The following TRPM1 variants were observed in gnomAD, a reference collection of about 807,000 sequenced individuals.
TRPM1 encodes the protein transient receptor potential cation channel subfamily M member 1.
In TRPM1, 113 loss-of-function variants were observed where a neutral mutation model predicts 149.4. The observed-to-expected ratio is 0.76, with a 90% confidence interval of 0.65 to 0.88. The LOEUF is 0.88. Ranked by LOEUF, TRPM1 falls within the 40% of genes least tolerant of loss-of-function variation. The probability of loss-of-function intolerance (pLI) is 0.00; values close to 1 mark genes in which losing one functional copy is unlikely to be tolerated. For missense variants in TRPM1, 1,976 were observed against 2,038.7 expected, an observed-to-expected ratio of 0.97 and a Z score of 0.59; for synonymous variants, 741 against 759.5, an observed-to-expected ratio of 0.98 and a Z score of 0.40.
chr15:31,120,673 TA>T (rs1365797356), intron 1 of TRPM1, among the ~76,000 whole-genome samples: 2 of 145,194 alleles, frequency 1.4e-5, no homozygotes, highest in Non-Finnish European at 3.0e-5. Flanking sequence ...CCAGCAAAAT[TA>T]AAGAATAAAA....
intron 1 of TRPM1, among the ~76,000 whole-genome samples, chr15:31,089,141 C>T (rs892862748): frequency 2.6e-5 from 4 of 152,286 alleles, no homozygotes; most frequent in African/African-American, 9.6e-5. Context: ...AAACTGAAGA[C>T]AGGCTGCTGC....
intron 27 of TRPM1, among the ~76,000 whole-genome samples, chr15:31,003,330 C>G (rs1306572261): frequency 6.6e-6 from 1 of 152,214 alleles, no homozygotes; most frequent in Non-Finnish European, 1.5e-5. Context: ...TTCTCACTAA[C>G]AGGTACTTAC....
intron 11 of TRPM1, among the ~76,000 whole-genome samples, chr15:31,052,530 G>T (rs4779812): frequency 0.67 from 101,513 of 151,830 alleles, 34,504 homozygotes; most frequent in East Asian, 0.95. Flanking sequence ...ATCCCAGCAC[G>T]TTGGGAGGCC....
At chr15:31,108,771 G>A (rs1018893690) in intron 1 of TRPM1, among the ~76,000 whole-genome samples, 4 of 152,236 alleles carry the variant, frequency 2.6e-5, no homozygotes, top group African/African-American at 9.6e-5. Context: ...TGGGATTATA[G>A]GCATGAGCCA....
chr15:31,055,084 T>C (rs760207180), intron 11 of TRPM1, among the ~76,000 whole-genome samples: 2 of 152,234 alleles, frequency 1.3e-5, no homozygotes, highest in African/African-American at 4.8e-5. Context: ...GGAATTCTTA[T>C]GTCCTCCCTA....
chr15:31,143,379 T>C (rs1567077764), intron 1 of TRPM1, among the ~76,000 whole-genome samples: 1 of 152,166 alleles, frequency 6.6e-6, no homozygotes, highest in South Asian at 2.1e-4. Context: ...TAATGTTTTG[T>C]TTTCCAGTTT....
chr15:31,092,336 C>T (rs893838543), intron 1 of TRPM1, among the ~76,000 whole-genome samples: 2 of 151,928 alleles, frequency 1.3e-5, no homozygotes, highest in East Asian at 1.9e-4. Flanking sequence ...CCTGGTTTTA[C>T]GAACGAAGAA....
rs532753823 is a variant in TRPM1, at chr15:31,160,999, C to T, written c.-40G>A. 2.1e-4 allele frequency: 317 copies of T among 1,533,160 alleles called. 2 individuals carry two copies. The South Asian group carries it at 2.4e-3, about 12-fold the overall frequency. 95.0% of individuals were successfully genotyped at this position (1,533,160 alleles called of 1,614,324 possible). A position where few individuals can be genotyped will look rare whatever the true frequency, so the allele number is the denominator to read the frequency against. ...CTGTGAGCCACCCTGCTGACTCCCT[C>T]GGGTGGCCAGGCCAGTGGCACAGGG... is the stretch of plus-strand genomic sequence containing the variant. On this transcript the variant is annotated 5_prime_UTR_variant, in exon 1 of 27. Coordinates refer to the TRPM1 transcript ENST00000542188.
At chr15:31,113,480 AAC>A (rs2035738979) in intron 1 of TRPM1, among the ~76,000 whole-genome samples, 2 of 152,188 alleles carry the variant, frequency 1.3e-5, no homozygotes, top group South Asian at 4.1e-4. Flanking sequence ...AAATGGGTCA[AAC>A]AATATCTTAA....
chr15:31,069,519 A>C, intron 4 of TRPM1: 2 of 1,129,310 alleles, frequency 1.8e-6, no homozygotes, highest in Non-Finnish European at 2.2e-6. Context: ...CACAGAGCTG[A>C]AGCCTCCCCC....
chr15:31,114,987 G>A (rs1322771723), intron 1 of TRPM1, among the ~76,000 whole-genome samples: 3 of 152,232 alleles, frequency 2.0e-5, no homozygotes, highest in African/African-American at 7.2e-5. Context: ...GGGCATTGTG[G>A]CTCATGCCTG....
chr15:31,089,454 T>G lies in TRPM1; in HGVS notation c.-83-8016A>C, dbSNP rs142775834. Among the ~76,000 whole-genome samples, 126 of 152,350 alleles carry G rather than the reference T, an allele frequency of 8.3e-4. 1 individual carries two copies. Among genetic ancestry groups the G allele is most frequent in the African/African-American group, 2.7e-3 (113 of 41,584 alleles). On this transcript the variant is annotated intron_variant, in intron 1 of 27. Transcript: ENST00000256552. ...GCCTATGACAGGTCATTGGTGACCA[T>G]GGCCTGCTGACCTTAGTGCTGGCCC...
intron 11 of TRPM1, 113 bp from the exon 12 acceptor site, chr15:31,050,695 C>T: frequency 6.2e-6 from 7 of 1,125,838 alleles, no homozygotes; most frequent in African/African-American, 1.5e-5. Flanking sequence ...ACCACACATG[C>T]ACACAATGTA....
intron 25 of TRPM1, among the ~76,000 whole-genome samples, chr15:31,027,331 T>C (rs2032820266): frequency 6.6e-6 from 1 of 152,212 alleles, no homozygotes; most frequent in African/African-American, 2.4e-5. Context: ...TAGCTAAGTG[T>C]AATAAATTGC....
chr15:31,139,307 C>A (rs999460237), intron 1 of TRPM1, among the ~76,000 whole-genome samples: 1 of 152,170 alleles, frequency 6.6e-6, no homozygotes, highest in Non-Finnish European at 1.5e-5. Flanking sequence ...TTTTAAGAGT[C>A]CTGCCTTTGG....
intron 1 of TRPM1, among the ~76,000 whole-genome samples, chr15:31,131,279 A>C (rs1395135827): frequency 2.0e-5 from 3 of 152,098 alleles, no homozygotes; most frequent in Non-Finnish European, 2.9e-5. Flanking sequence ...CCCAACGCGC[A>C]AAAGTAGTGA....
At chr15:31,074,177 G>A (rs1422157495) in intron 3 of TRPM1, among the ~76,000 whole-genome samples, 1 of 152,032 alleles carries the variant, frequency 6.6e-6, no homozygotes. Flanking sequence ...TGATATCTTT[G>A]TCTAGTTTGG....
Position 31,035,580 on chromosome 15 carries a change from TAGG to T in TRPM1, c.2663_2665del (p.Ser888del), listed in dbSNP as rs746266383. 5.1e-5 allele frequency: 83 copies of T among 1,614,190 alleles called. No individual in the cohort carries two copies. Among genetic ancestry groups the T allele is most frequent in the Non-Finnish European group, 6.9e-5 (81 of 1,180,034 alleles). The stretch of plus-strand genomic sequence containing the variant: ...CTTCTCTAACGCCAGGCTCACGATG[TAGG>T]AGATGACGATCCACTCCTGGAGGGA... On this transcript the variant is annotated inframe_deletion, in exon 21 of 28. Transcript: ENST00000256552.
Position 31,066,086 on chromosome 15 carries a change from C to T in TRPM1, c.780G>A (p.Lys260=), listed in dbSNP as rs773501136. ...TTTGCCAGCACTTACTTGTGTTGAT[C>T]TTCTGCAGGGAGATGTGCTTTTCCA... ...RLLEKHISLQ[K]INTRLGQGVP... is the part of the protein sequence containing the mutation. The change falls in exon 7 of 28, where the codon AAG becomes AAA. Residue 260 remains lysine (K), a synonymous_variant. Transcript: ENST00000256552. 1 of 1,614,088 alleles carries T rather than the reference C, an allele frequency of 6.2e-7. No homozygotes were observed. The highest frequency in any genetic ancestry group is 1.1e-5 in the South Asian group (1 of 91,080).
Sources: allele counts gnomAD v4.1 joint callset (sites outside exome capture counted in the v4.1 genomes callset), GRCh38; gene constraint gnomAD v4.1.1; transcripts MANE v1.5; gene names NCBI Gene and HGNC (gene_info 2026-07-23, HGNC 2026-07-21).